ADCK5: variants seen among roughly 807,000 people sequenced by gnomAD.
The protein encoded by ADCK5 is aarF domain containing kinase 5, also known as uncharacterized aarF domain-containing protein kinase 5.
Under a neutral mutation model 64.9 loss-of-function variants are expected in ADCK5, and 43 were observed. That is an observed-to-expected ratio of 0.66 (90% confidence interval 0.52 to 0.85). The LOEUF (loss-of-function observed/expected upper bound fraction) is 0.85, where lower values mean the gene tolerates loss of function less well. Among genes scored for constraint, ADCK5 ranks in the 40% least tolerant of loss-of-function variants. The pLI, the probability that ADCK5 is intolerant of heterozygous loss-of-function variation, is 0.00. For synonymous variants in ADCK5, 434 were observed against 342.8 expected, an observed-to-expected ratio of 1.27 and a Z score of -2.94; for missense variants, 760 against 810.5, an observed-to-expected ratio of 0.94 and a Z score of 0.76.
At chr8:144,374,132 G>T in intron 1 of ADCK5, 25 bp downstream of exon 1, 1 of 1,248,426 alleles carries the variant, frequency 8.0e-7, no homozygotes, top group Non-Finnish European at 1.0e-6. Flanking sequence ...GGCCCGGGGC[G>T]CCCGAGATCC....
Position 144,379,498 on chromosome 8 carries a change from G to A in ADCK5, c.116+8G>A. 2.5e-6 allele frequency: 4 copies of A among 1,590,036 alleles called. No individual in the cohort carries two copies. Among genetic ancestry groups the A allele is most frequent in the Non-Finnish European group, 3.4e-6 (4 of 1,164,064 alleles). On this transcript the variant is annotated splice_region_variant and intron_variant, in intron 2 of 14. Coordinates refer to ENST00000308860, the MANE Select transcript of ADCK5 (RefSeq NM_174922.5). ...CAGGGGCCTTCCTCCAAGGTAACGAGTCCTCCACGGGCATGCGCCTCTCAC... is the reference window on the plus strand; with the variant it reads ...CAGGGGCCTTCCTCCAAGGTAACGAATCCTCCACGGGCATGCGCCTCTCAC...
chr8:144,386,992 C>T (rs1214552116), intron 3 of ADCK5, among the ~76,000 whole-genome samples: 1 of 152,200 alleles, frequency 6.6e-6, no homozygotes, highest in Non-Finnish European at 1.5e-5. Context: ...TAACAAGAGT[C>T]AGCAAACTGT....
chr8:144,390,802 G>A, intron 4 of ADCK5, 54 bp from the exon 5 acceptor site: 1 of 1,607,154 alleles, frequency 6.2e-7, no homozygotes, highest in Non-Finnish European at 8.5e-7. Context: ...GGGCTGGGTG[G>A]GACTGAGGAG....
intron 3 of ADCK5, among the ~76,000 whole-genome samples, chr8:144,386,752 C>G (rs1203611260): frequency 6.6e-6 from 1 of 152,234 alleles, no homozygotes; most frequent in Non-Finnish European, 1.5e-5. Flanking sequence ...TTTCCAGCCC[C>G]GGTCCTCCCG....
rs574111484 is a variant in ADCK5 at position 144,384,618 on chromosome 8, C to T, written c.266+1388C>T. 6.6e-6 allele frequency among the ~76,000 whole-genome samples: 1 copy of T among 152,296 alleles called. No individual in the cohort carries two copies. Among genetic ancestry groups the T allele is most frequent in the East Asian group, 1.9e-4 (1 of 5,178 alleles). On this transcript the variant is annotated intron_variant, in intron 3 of 14. Transcript: ENST00000308860. This position sits in a 1 kb window ranked among gnomAD's most constrained non-coding sequence, Gnocchi z 5.7. Reference sequence around the variant, plus strand: ...GCCTTTTTCTCGTGACCCTCCGCTGCAGTGCATGCAAGGGCCACACAGGGC... The same window carrying T: ...GCCTTTTTCTCGTGACCCTCCGCTGTAGTGCATGCAAGGGCCACACAGGGC...
rs1365824291 is a variant in ADCK5 at position 144,392,821 on chromosome 8, T to G, written c.1566T>G (p.Gly522=). 1 of 1,590,216 alleles carries G rather than the reference T, an allele frequency of 6.3e-7. No homozygotes were observed. Among genetic ancestry groups the G allele is most frequent in the Non-Finnish European group, 8.5e-7 (1 of 1,173,310 alleles). ...WSRLAGATYR[G]VYGTSLLRHA... ...GCCTGGCGGGCGCCACGTATCGGGG[T>G]GTCTACGGCACCAGCCTCCTGCGCC... Residue 522 remains glycine (G), a synonymous_variant, in exon 14 of 15, where the codon GGT becomes GGG. Coordinates refer to ENST00000308860, the MANE Select transcript of ADCK5 (RefSeq NM_174922.5).
chr8:144,376,376 A>G lies in ADCK5; in HGVS notation c.12+2269A>G, dbSNP rs1819365647. ...TGTGTGATGAGGACAGTGGCAGGAT[A>G]GGACCACGGTGAACAAGGTGGAGCG... On this transcript the variant is annotated intron_variant, in intron 1 of 14. Coordinates refer to ENST00000308860, the MANE Select transcript of ADCK5 (RefSeq NM_174922.5). This position sits in a 1 kb window ranked among gnomAD's most constrained non-coding sequence, Gnocchi z 5.1. Among the ~76,000 whole-genome samples the G allele has an allele frequency of 6.6e-6, 1 of 152,220 alleles. No individual in the cohort carries two copies. Among genetic ancestry groups the G allele is most frequent in the African/African-American group, 2.4e-5 (1 of 41,458 alleles).
rs1444321505 is a variant in ADCK5, at chr8:144,384,725, A to C, written c.266+1495A>C. Among the ~76,000 whole-genome samples the C allele has an allele frequency of 6.6e-6, 1 of 152,108 alleles. No homozygotes were observed. Among genetic ancestry groups the C allele is most frequent in the Non-Finnish European group, 1.5e-5 (1 of 68,016 alleles). ...TTTGTCTCACCCTCTATTTCATGGC[A>C]TGCAGCTGTGTCTGGTGTCCACCTC... On this transcript the variant is annotated intron_variant, in intron 3 of 14. Coordinates refer to ENST00000308860, the MANE Select transcript of ADCK5 (RefSeq NM_174922.5). The surrounding 1 kb of genome is among the most constrained non-coding windows in gnomAD (Gnocchi z 5.7).
chr8:144,391,138 A>T lies in ADCK5; in HGVS notation c.548A>T (p.Asp183Val). 6.2e-7 allele frequency: 1 copy of T among 1,610,700 alleles called. No individual in the cohort carries two copies. The highest frequency in any genetic ancestry group is 1.1e-5 in the South Asian group (1 of 91,064). ...TCTGAGCACCTGTCCTTCCAGGTGGATGAGTTGTTCCTTGAGGACTTCCAG... is the reference window on the plus strand; with the variant it reads ...TCTGAGCACCTGTCCTTCCAGGTGGTTGAGTTGTTCCTTGAGGACTTCCAG... ...RALKRGFQEVDELFLEDFQAL... is the reference protein window; with the variant it reads ...RALKRGFQEVVELFLEDFQAL... Residue 183 changes from aspartate (D) to valine (V), a missense_variant, in exon 6 of 15, where the codon GAT becomes GTT. Physicochemically the swap from Asp to Val is radical, Grantham distance 152. Coordinates refer to ENST00000308860, the MANE Select transcript of ADCK5 (RefSeq NM_174922.5).
chr8:144,383,256 G>C (rs782353064), intron 3 of ADCK5, 26 bp downstream of exon 3: 1 of 1,543,564 alleles, frequency 6.5e-7, no homozygotes, highest in African/African-American at 1.4e-5. Context: ...GGCAGGCAGG[G>C]GTTGCGGCGT....
chr8:144,393,228 C>A lies in ADCK5; in HGVS notation c.*154C>A, dbSNP rs1308094711. The A allele has an allele frequency of 2.9e-6, 4 of 1,396,456 alleles. No homozygotes were observed. In the South Asian group the frequency reaches 5.8e-5, roughly 20 times the overall value. 86.5% of individuals were successfully genotyped at this position (1,396,456 alleles called of 1,614,324 possible). A position where few individuals can be genotyped will look rare whatever the true frequency, so the allele number is the denominator to read the frequency against. The stretch of plus-strand genomic sequence containing the variant: ...GAGGCCGTGTAATGACCACACACTC[C>A]TCTCAAGCAAAAAATGTTTTTCCTT... On this transcript the variant is annotated 3_prime_UTR_variant, in exon 15 of 15. Coordinates refer to ENST00000308860, the MANE Select transcript of ADCK5 (RefSeq NM_174922.5).
In ADCK5 at chr8:144,384,817, C is replaced by T. The variant is rs527467855; in HGVS notation, c.266+1587C>T. ...TGTGGGAAAACATCTTCTCACAGCT[C>T]GCTCTCAGGGGCTGAGCTGGGGTTG... On this transcript the variant is annotated intron_variant, in intron 3 of 14. Coordinates refer to ENST00000308860, the MANE Select transcript of ADCK5 (RefSeq NM_174922.5). This position sits in a 1 kb window ranked among gnomAD's most constrained non-coding sequence, Gnocchi z 5.7. Among the ~76,000 whole-genome samples the T allele has an allele frequency of 4.6e-5, 7 of 152,280 alleles. No homozygotes were observed. In the South Asian group the frequency reaches 6.2e-4, roughly 14 times the overall value.
chr8:144,388,126 G>A (rs570686335), intron 3 of ADCK5, among the ~76,000 whole-genome samples: 11 of 151,374 alleles, frequency 7.3e-5, no homozygotes, highest in East Asian at 5.9e-4. Context: ...TTGGGAGGCC[G>A]AGGAGGGCGG....
Position 144,392,486 on chromosome 8 carries a change from C to T in ADCK5, c.1309C>T (p.Arg437Cys), listed in dbSNP as rs958511109. The change falls in exon 13 of 15, where the codon CGC (arginine) becomes TGC (cysteine). Residue 437 changes from arginine to cysteine, a missense_variant. Arg to Cys is a radical substitution (Grantham distance 180). Transcript: ENST00000308860. ...FAEMLMQRPV[R>C]LGQLWGSHLL... is the part of the protein sequence containing the mutation. ...CGAGATGCTCATGCAGCGCCCCGTGCGCCTGGGGCAGCTGTGGGGCTCGCA... is the reference window on the plus strand; with the variant it reads ...CGAGATGCTCATGCAGCGCCCCGTGTGCCTGGGGCAGCTGTGGGGCTCGCA... 9.8e-6 allele frequency: 15 copies of T among 1,525,832 alleles called. No homozygotes were observed. Among genetic ancestry groups the T allele is most frequent in the East Asian group, 2.5e-5 (1 of 40,490 alleles). 94.5% of individuals were successfully genotyped at this position (1,525,832 alleles called of 1,614,324 possible). A position where few individuals can be genotyped will look rare whatever the true frequency, so the allele number is the denominator to read the frequency against.
At chr8:144,374,771 T>TGCGTCGTCTCAGGGGCGCGCCCCC (rs1450745950) in intron 1 of ADCK5, among the ~76,000 whole-genome samples, 93 of 152,162 alleles carry the variant, frequency 6.1e-4, no homozygotes, top group Admixed American at 4.3e-3. Context: ...TGAGCGCCCC[T>TGCGTCGTCTCAGGGGCGCGCCCCC]GCGTCGTCTC....
rs545986102 is a variant in ADCK5 at position 144,376,645 on chromosome 8, A to G, written c.12+2538A>G. On this transcript the variant is annotated intron_variant, in intron 1 of 14. Transcript: ENST00000308860. The surrounding 1 kb of genome is among the most constrained non-coding windows in gnomAD (Gnocchi z 5.1). ...GTGGAAACAGCTTGCGTTGCTGGTC[A>G]TGGATGAGGTGGGCAGTGGCTGGGA... Among the ~76,000 whole-genome samples, 3 of 152,320 alleles carry G rather than the reference A, an allele frequency of 2.0e-5. No individual in the cohort carries two copies. In the East Asian group the frequency reaches 5.8e-4, roughly 29 times the overall value.
In ADCK5 at chr8:144,384,641, G is replaced by C. The variant is rs1376388333; in HGVS notation, c.266+1411G>C. Among the ~76,000 whole-genome samples, 1 of 152,164 alleles carries C rather than the reference G, an allele frequency of 6.6e-6. No individual in the cohort carries two copies. The highest frequency in any genetic ancestry group is 2.4e-5 in the African/African-American group (1 of 41,434). On this transcript the variant is annotated intron_variant, in intron 3 of 14. Transcript: ENST00000308860. The surrounding 1 kb of genome is among the most constrained non-coding windows in gnomAD (Gnocchi z 5.7). ...TGCAGTGCATGCAAGGGCCACACAG[G>C]GCTGCCAGCCACCGTCCCCTGCAGC...
rs1820208003 is a variant in ADCK5 at position 144,391,252 on chromosome 8, A to G, written c.662A>G (p.Asp221Gly). The change falls in exon 6 of 15, where the codon GAT becomes GGT. Residue 221 changes from aspartate (D) to glycine (G), a missense_variant. Asp to Gly is a moderately conservative substitution (Grantham distance 94). Coordinates refer to ENST00000308860, the MANE Select transcript of ADCK5 (RefSeq NM_174922.5). ...CAGGTGCACAGAGCCAAGCTGCACGATGGCACCAGCGTGGCTGTGAAGGTA... is the reference window on the plus strand; with the variant it reads ...CAGGTGCACAGAGCCAAGCTGCACGGTGGCACCAGCGTGGCTGTGAAGGTA... ...LAQVHRAKLH[D>G]GTSVAVKVQY... 6.2e-7 allele frequency: 1 copy of G among 1,612,366 alleles called. No homozygotes were observed. The highest frequency in any genetic ancestry group is 8.5e-7 in the Non-Finnish European group (1 of 1,180,010).
chr8:144,389,186 C>T, intron 3 of ADCK5: 2 of 445,432 alleles, frequency 4.5e-6, no homozygotes, highest in Non-Finnish European at 4.6e-6. Flanking sequence ...AAATCTCCCC[C>T]AGGAGCCCAG....
Sources: allele counts gnomAD v4.1 joint callset (sites outside exome capture counted in the v4.1 genomes callset), GRCh38; gene constraint gnomAD v4.1.1; non-coding constraint Gnocchi (gnomAD v3.1); transcripts MANE v1.5; gene names NCBI Gene and HGNC (gene_info 2026-07-23, HGNC 2026-07-21).